PCDH7: variants seen among roughly 807,000 people sequenced by gnomAD.
PCDH7 encodes protocadherin-7.
A neutral mutation model predicts 58.9 loss-of-function variants in PCDH7; 17 were observed. The ratio of observed to expected loss-of-function variants is 0.29; its 90% CI spans 0.20 to 0.43. The LOEUF is 0.43. Among genes scored for constraint, PCDH7 ranks in the 20% least tolerant of loss-of-function variants. The pLI, the probability that PCDH7 is intolerant of heterozygous loss-of-function variation, is 1.00. For synonymous variants in PCDH7, 664 were observed against 616.4 expected (o/e 1.08, Z -1.14); for missense variants, 1,274 against 1,441.0 (o/e 0.88, Z 1.88).
intron 1 of PCDH7, among the ~76,000 whole-genome samples, chr4:30,818,571 A>G (rs952460677): frequency 3.3e-5 from 5 of 152,182 alleles, no homozygotes; most frequent in Non-Finnish European, 7.3e-5. Context: ...CTATATATGT[A>G]TATGTAACCA....
At chr4:30,857,031 G>A (rs1271229084) in intron 1 of PCDH7, among the ~76,000 whole-genome samples, 2 of 151,916 alleles carry the variant, frequency 1.3e-5, no homozygotes, top group Admixed American at 1.3e-4. Flanking sequence ...TTGAAATAGA[G>A]ATGTAATTAA....
intron 1 of PCDH7, among the ~76,000 whole-genome samples, chr4:30,852,738 C>T (rs1473207004): frequency 2.8e-5 from 4 of 144,978 alleles, no homozygotes; most frequent in Non-Finnish European, 6.0e-5. Flanking sequence ...TTATTGGCCT[C>T]GGATGAGATG....
chr4:30,994,574 AT>A (rs1751715762), intron 3 of PCDH7, among the ~76,000 whole-genome samples: 1 of 152,192 alleles, frequency 6.6e-6, no homozygotes, highest in Non-Finnish European at 1.5e-5. Flanking sequence ...TCCTGAAGGC[AT>A]TGTTGATATG....
intron 3 of PCDH7, among the ~76,000 whole-genome samples, chr4:31,097,638 A>ATATATATC (rs370034723): frequency 2.5e-5 from 2 of 79,250 alleles, no homozygotes; most frequent in Non-Finnish European, 4.9e-5. Flanking sequence ...ATATATATAT[A>ATATATATC]AATCTTTTTT....
intron 1 of PCDH7, among the ~76,000 whole-genome samples, chr4:30,799,825 C>T (rs1191086106): frequency 1.3e-5 from 2 of 151,376 alleles, no homozygotes; most frequent in Non-Finnish European, 2.9e-5. Context: ...TCAAGATTTT[C>T]TCAATTCTTA....
chr4:30,866,617 T>G (rs951339438), intron 1 of PCDH7, among the ~76,000 whole-genome samples: 1 of 151,926 alleles, frequency 6.6e-6, no homozygotes, highest in Non-Finnish European at 1.5e-5. Context: ...ATATTTTGCT[T>G]ACACAGCTTT....
chr4:30,797,849 G>A (rs904111558), intron 1 of PCDH7, among the ~76,000 whole-genome samples: 2 of 152,166 alleles, frequency 1.3e-5, no homozygotes, highest in South Asian at 2.1e-4. Flanking sequence ...CAATATACTA[G>A]ATGTTGAGTT....
intron 3 of PCDH7, among the ~76,000 whole-genome samples, chr4:31,020,706 A>C (rs747032198): frequency 3.0e-4 from 45 of 152,240 alleles, no homozygotes; most frequent in Admixed American, 3.9e-4. Flanking sequence ...ACACCCCAGC[A>C]ATCTTAGTTT....
At chr4:31,124,914 G>T (rs1272704093) in intron 3 of PCDH7, among the ~76,000 whole-genome samples, 1 of 152,124 alleles carries the variant, frequency 6.6e-6, no homozygotes, top group East Asian at 1.9e-4. Context: ...ATTCGCCAAG[G>T]AGTGGTTCAG....
chr4:31,064,916 T>C (rs1156810509), intron 3 of PCDH7, among the ~76,000 whole-genome samples: 1 of 152,020 alleles, frequency 6.6e-6, no homozygotes, highest in Non-Finnish European at 1.5e-5. Context: ...TATTATTTCA[T>C]AGCTTATTTC....
chr4:30,755,651 T>C (rs1016013356), intron 1 of PCDH7, among the ~76,000 whole-genome samples: 3 of 152,124 alleles, frequency 2.0e-5, no homozygotes, highest in Non-Finnish European at 4.4e-5. Context: ...AGTCTGTTTT[T>C]TGTTGCTCAG....
intron 3 of PCDH7, among the ~76,000 whole-genome samples, chr4:31,034,150 C>T (rs1280292038): frequency 1.3e-5 from 2 of 151,922 alleles, no homozygotes; most frequent in Non-Finnish European, 2.9e-5. Flanking sequence ...CCAGCAAAAA[C>T]TCAATTTATC....
Position 31,141,342 on chromosome 4 carries a change from T to C in PCDH7, c.*8-1131T>C, listed in dbSNP as rs966260374. On this transcript the variant is annotated intron_variant, in intron 3 of 3. Transcript: ENST00000509759. Reference sequence around the variant, plus strand: ...CAAGCCTTGTAATAAAATGATACCATGTGATAACAACTGGAATGCAGTCAT... The same window carrying C: ...CAAGCCTTGTAATAAAATGATACCACGTGATAACAACTGGAATGCAGTCAT... 2.0e-5 allele frequency among the ~76,000 whole-genome samples: 3 copies of C among 152,200 alleles called. No homozygotes were observed. The East Asian group carries it at 5.8e-4, about 29-fold the overall frequency.
chr4:30,932,889 A>G (rs1199360199), intron 2 of PCDH7, among the ~76,000 whole-genome samples: 2 of 152,212 alleles, frequency 1.3e-5, no homozygotes, highest in African/African-American at 4.8e-5. Flanking sequence ...AGAATATCCC[A>G]TTCAGTAGAT....
At chr4:30,824,501 C>CA (rs1173983718) in intron 1 of PCDH7, among the ~76,000 whole-genome samples, 1 of 152,024 alleles carries the variant, frequency 6.6e-6, no homozygotes, top group Non-Finnish European at 1.5e-5. Flanking sequence ...ATGAAGCCCC[C>CA]AAACCAATCA....
chr4:30,999,353 G>A (rs982380780), intron 3 of PCDH7, among the ~76,000 whole-genome samples: 9 of 152,092 alleles, frequency 5.9e-5, no homozygotes, highest in African/African-American at 1.2e-4. Context: ...ATAGATGGTA[G>A]GCACATCCTT....
At chr4:31,083,125 C>G (rs1711816200) in intron 3 of PCDH7, among the ~76,000 whole-genome samples, 2 of 151,758 alleles carry the variant, frequency 1.3e-5, no homozygotes, top group African/African-American at 4.8e-5. Context: ...AAAACAAAAA[C>G]AAAAACAAAA....
At chr4:30,920,122 G>T (rs753313537) in intron 1 of PCDH7, 31 bp from the exon 2 acceptor site, 2 of 1,346,886 alleles carry the variant, frequency 1.5e-6, no homozygotes, top group Non-Finnish European at 2.0e-6. Context: ...ATCTTACATC[G>T]TAGTGACATT....
intron 3 of PCDH7, among the ~76,000 whole-genome samples, chr4:31,016,887 G>T (rs1389054103): frequency 6.7e-6 from 1 of 148,928 alleles, no homozygotes; most frequent in African/African-American, 2.5e-5. Flanking sequence ...GTGCATATGT[G>T]TGTGTGCTGG....
Sources: allele counts gnomAD v4.1 joint callset (sites outside exome capture counted in the v4.1 genomes callset), GRCh38; gene constraint gnomAD v4.1.1; transcripts MANE v1.5; gene names NCBI Gene and HGNC (gene_info 2026-07-23, HGNC 2026-07-21).